Variants in MYO10 observed in about 807,000 individuals in gnomAD.
The protein encoded by MYO10 is myosin X.
MYO10 carries 133 observed loss-of-function variants against 257.3 expected under a neutral mutation model. The ratio of observed to expected loss-of-function variants is 0.52; its 90% CI spans 0.45 to 0.60. MYO10 has a LOEUF of 0.60. Among genes scored for constraint, MYO10 ranks in the 20% least tolerant of loss-of-function variants. The probability of loss-of-function intolerance (pLI) is 0.00; values close to 1 mark genes in which losing one functional copy is unlikely to be tolerated. For missense variants in MYO10, 2,399 were observed against 2,635.7 expected (o/e 0.91, Z 1.97); for synonymous variants, 1,104 against 1,028.6 (o/e 1.07, Z -1.40).
At chr5:16,760,491 A>C (rs953933365) in intron 17 of MYO10, among the ~76,000 whole-genome samples, 1 of 151,832 alleles carries the variant, frequency 6.6e-6, no homozygotes. Context: ...AAAAAAAACC[A>C]AAAAGGACAC....
chr5:16,754,806 C>A, intron 19 of MYO10, 22 bp downstream of exon 19: 1 of 1,564,714 alleles, frequency 6.4e-7, no homozygotes, highest in African/African-American at 1.3e-5. Flanking sequence ...AGATCCCAGC[C>A]TAGGACTGTC....
chr5:16,762,000 A>G (rs559994112), intron 16 of MYO10, 45 bp downstream of exon 16: 1 of 1,481,010 alleles, frequency 6.8e-7, no homozygotes, highest in Non-Finnish European at 9.0e-7. Context: ...TTTTCTCTGA[A>G]TACCAAACAG....
At chr5:16,767,046 T>C (rs985315653) in intron 10 of MYO10, among the ~76,000 whole-genome samples, 5 of 152,092 alleles carry the variant, frequency 3.3e-5, no homozygotes, top group South Asian at 4.2e-4. Flanking sequence ...TTAATAACAC[T>C]AAGATGTTAT....
chr5:16,908,428 T>G (rs955490988), intron 1 of MYO10, among the ~76,000 whole-genome samples: 2 of 151,988 alleles, frequency 1.3e-5, no homozygotes, highest in Admixed American at 1.3e-4. Context: ...CTCAGGAGGC[T>G]GAGGCAGGAG....
At chr5:16,702,644 T>C (rs905387923) in intron 23 of MYO10, 56 bp from the exon 24 acceptor site, 6 of 1,489,846 alleles carry the variant, frequency 4.0e-6, no homozygotes, top group Admixed American at 4.0e-5. Context: ...GAACCACTTT[T>C]CAGAGAGATC....
intron 9 of MYO10, among the ~76,000 whole-genome samples, chr5:16,778,255 C>G (rs1388396947): frequency 6.6e-6 from 1 of 152,096 alleles, no homozygotes; most frequent in Non-Finnish European, 1.5e-5. Context: ...CGCTCGATGA[C>G]TGGGCTATCT....
intron 9 of MYO10, among the ~76,000 whole-genome samples, chr5:16,776,989 CT>C (rs367587993): frequency 1.4e-4 from 21 of 147,884 alleles, no homozygotes; most frequent in South Asian, 2.2e-4. Flanking sequence ...AGAGACAAGT[CT>C]TTTTTTTTTG....
At position 16,762,115 on chromosome 5, in the gene MYO10, TAAA is replaced by T. The variant is rs746751894; in HGVS notation, c.1588-5_1588-3del. On this transcript the variant is annotated splice_polypyrimidine_tract_variant and splice_region_variant and intron_variant, in intron 15 of 40. Coordinates refer to ENST00000513610, the MANE Select transcript of MYO10 (RefSeq NM_012334.3). ...GGGCTTCACATAAAAGTGGTTATTC[TAAA>T]AAAAAAAAAAAAAAAAAAAAAAAAA... 37,979 of 552,500 alleles carry T rather than the reference TAAA, an allele frequency of 0.069. 53 individuals are homozygous for T. The highest frequency in any genetic ancestry group is 0.082 in the East Asian group (2,089 of 25,324). The allele number at this position is 552,500 out of a possible 1,614,324, so 34.2% of individuals were successfully genotyped here.
rs760109241 is a variant in MYO10, at chr5:16,889,627, AG to A, written c.22-11921del. ...GTAAGTAAATGGAGCTAGGAGACAC[AG>A]ATTTTATAAAATGTATAAAACTGTC... On this transcript the variant is annotated intron_variant, in intron 1 of 40. Coordinates refer to ENST00000513610, the MANE Select transcript of MYO10 (RefSeq NM_012334.3). 3.3e-5 allele frequency among the ~76,000 whole-genome samples: 5 copies of A among 151,862 alleles called. 1 individual carries two copies. Among genetic ancestry groups the A allele is most frequent in the African/African-American group, 4.9e-5 (2 of 41,110 alleles).
At chr5:16,930,841 G>C (rs1180497502) in intron 1 of MYO10, among the ~76,000 whole-genome samples, 1 of 152,218 alleles carries the variant, frequency 6.6e-6, no homozygotes, top group Non-Finnish European at 1.5e-5. Context: ...CACTCAGCCT[G>C]GGGGCAGTTA....
chr5:16,838,412 C>T (rs1469145643), intron 2 of MYO10, among the ~76,000 whole-genome samples: 1 of 152,184 alleles, frequency 6.6e-6, no homozygotes, highest in Non-Finnish European at 1.5e-5. Context: ...ATCCCTTCAG[C>T]CAAAGCTTAA....
At chr5:16,816,851 G>A (rs1188501474) in intron 3 of MYO10, among the ~76,000 whole-genome samples, 10 of 132,128 alleles carry the variant, frequency 7.6e-5, no homozygotes, top group Admixed American at 6.4e-4. Context: ...ACAGAGTTTC[G>A]CTCTGTCACC....
chr5:16,863,453 C>A (rs1744160324), intron 2 of MYO10, among the ~76,000 whole-genome samples: 1 of 152,192 alleles, frequency 6.6e-6, no homozygotes, highest in South Asian at 2.1e-4. Context: ...GTGCTGGGAA[C>A]AAGGTGGGTA....
At chr5:16,813,091 T>C (rs942222026) in intron 3 of MYO10, among the ~76,000 whole-genome samples, 1 of 152,188 alleles carries the variant, frequency 6.6e-6, no homozygotes, top group Admixed American at 6.5e-5. Flanking sequence ...GCAGCCTCTC[T>C]ACCTGGCGAT....
At chr5:16,709,425 G>A (rs1190773744) in intron 21 of MYO10, among the ~76,000 whole-genome samples, 2 of 152,200 alleles carry the variant, frequency 1.3e-5, no homozygotes, top group Non-Finnish European at 1.5e-5. Flanking sequence ...TCACTTCTGT[G>A]AGAACGCTAC....
intron 19 of MYO10, chr5:16,713,573 G>A (rs1474053580): frequency 2.8e-5 from 24 of 845,486 alleles, no homozygotes; most frequent in Non-Finnish European, 3.4e-5. Flanking sequence ...AGGGAGCAAG[G>A]AGCGGCCTCG....
At chr5:16,878,763 T>TA (rs1561034181) in intron 1 of MYO10, among the ~76,000 whole-genome samples, 1 of 152,090 alleles carries the variant, frequency 6.6e-6, no homozygotes, top group East Asian at 1.9e-4. Context: ...TTCTCGCTTA[T>TA]AAGTGGGAGC....
intron 2 of MYO10, among the ~76,000 whole-genome samples, chr5:16,861,662 C>T (rs1341273456): frequency 6.6e-6 from 1 of 152,152 alleles, no homozygotes; most frequent in South Asian, 2.1e-4. Flanking sequence ...CAAGAGAAAG[C>T]ATAAATGTCA....
At chr5:16,791,509 T>A (rs6862397) in intron 4 of MYO10, among the ~76,000 whole-genome samples, 186 of 151,946 alleles carry the variant, frequency 1.2e-3, no homozygotes, top group African/African-American at 4.3e-3. Flanking sequence ...TTAAATACCA[T>A]GAAAATGCCA....
Sources: gnomAD v4.1 joint callset for allele counts (sites outside exome capture counted in the v4.1 genomes callset) on GRCh38, gnomAD v4.1.1 for gene constraint, MANE v1.5 for transcripts, NCBI Gene and HGNC (gene_info 2026-07-23, HGNC 2026-07-21) for gene names.